Variants in CFAP221 observed in about 807,000 individuals in gnomAD.
CFAP221 encodes the protein cilia and flagella associated protein 221.
CFAP221 carries 97 observed loss-of-function variants against 113.1 expected under a neutral mutation model. That is an observed-to-expected ratio of 0.86 (90% CI 0.73 to 1.02). CFAP221 has a LOEUF of 1.02. Among genes scored for constraint, CFAP221 ranks in the 50% least tolerant of loss-of-function variants. The probability of loss-of-function intolerance (pLI) is 0.00; values close to 1 mark genes in which losing one functional copy is unlikely to be tolerated. For synonymous variants in CFAP221, 331 were observed against 354.4 expected, an observed-to-expected ratio of 0.93 and a Z score of 0.74; for missense variants, 1,025 against 1,013.4, an observed-to-expected ratio of 1.01 and a Z score of -0.16.
chr2:119,608,709 GACAAGTAAATT>G, intron 12 of CFAP221, 120 bp downstream of exon 12: 1 of 794,856 alleles, frequency 1.3e-6, no homozygotes, highest in South Asian at 1.6e-5. Flanking sequence ...AAAGGCTGAC[GACAAGTAAATT>G]GTCAACCATA....
chr2:119,563,689 A>T (rs1317125868), intron 6 of CFAP221, among the ~76,000 whole-genome samples: 1 of 152,202 alleles, frequency 6.6e-6, no homozygotes, highest in African/African-American at 2.4e-5. Context: ...TGATGGGTTG[A>T]TATTTTGAAT....
chr2:119,603,075 G>A (rs962257819), intron 8 of CFAP221, among the ~76,000 whole-genome samples: 1 of 152,146 alleles, frequency 6.6e-6, no homozygotes, highest in African/African-American at 2.4e-5. Context: ...AAAACTAGCT[G>A]TAGTTTCTGA....
chr2:119,585,191 T>C (rs1683124842), intron 6 of CFAP221, among the ~76,000 whole-genome samples: 1 of 152,244 alleles, frequency 6.6e-6, no homozygotes. Context: ...CAGAGCAATA[T>C]TGTTAAAAAA....
chr2:119,576,110 G>A (rs1682422713), intron 6 of CFAP221, among the ~76,000 whole-genome samples: 1 of 152,140 alleles, frequency 6.6e-6, no homozygotes. Flanking sequence ...AAACCATCAA[G>A]CCCCCTTGAC....
Position 119,601,298 on chromosome 2 carries a change from C to T in CFAP221, c.712C>T (p.Gln238Ter). The T allele has an allele frequency of 6.5e-7, 1 of 1,535,712 alleles. No individual in the cohort carries two copies. The highest frequency in any genetic ancestry group is 8.7e-7 in the Non-Finnish European group (1 of 1,146,628). ...GTATGGGACTGCACAAATAAAAATG[C>T]AGTTATGGATTTCGCAGTTCAACTC... ...FQYGTAQIKMQLWISQFNSQP... is the reference protein window; with the variant it reads ...FQYGTAQIKM Residue 238 changes from glutamine (Q) to a stop codon, truncating the protein, a stop_gained, in exon 8 of 24, where the codon CAG (glutamine) becomes TAG (stop). Transcript: ENST00000413369. LOFTEE classifies it high-confidence loss of function.
intron 11 of CFAP221, 39 bp downstream of exon 11, chr2:119,605,328 A>G (rs1234210396): frequency 2.1e-6 from 3 of 1,432,216 alleles, no homozygotes; most frequent in East Asian, 4.6e-5. Flanking sequence ...GTGTCAGTAC[A>G]GTTATTTTTA....
intron 14 of CFAP221, among the ~76,000 whole-genome samples, chr2:119,618,047 C>T (rs1047448114): frequency 9.9e-5 from 15 of 152,178 alleles, no homozygotes; most frequent in African/African-American, 3.4e-4. Context: ...GGGCAGGCAT[C>T]CCACCTCCAG....
In CFAP221 at chr2:119,560,480, G is replaced by A. The variant is rs190943141; in HGVS notation, c.426+454G>A. ...TGGTGCAGGGGATGGGGGTGGTTCC[G>A]GGAGGTGGGGACTGTTTGAGTTCTT... On this transcript the variant is annotated intron_variant, in intron 5 of 23. Transcript: ENST00000413369. Among the ~76,000 whole-genome samples, 26 of 152,286 alleles carry A rather than the reference G, an allele frequency of 1.7e-4. No homozygotes were observed. In the East Asian group the frequency reaches 2.9e-3, roughly 17 times the overall value.
At chr2:119,607,213 G>A (rs945644479) in intron 11 of CFAP221, among the ~76,000 whole-genome samples, 1 of 152,094 alleles carries the variant, frequency 6.6e-6, no homozygotes, top group African/African-American at 2.4e-5. Context: ...GGCTGGTCTC[G>A]AACTCCTGAC....
chr2:119,566,901 A>G (rs979860167), intron 6 of CFAP221, among the ~76,000 whole-genome samples: 2 of 152,130 alleles, frequency 1.3e-5, no homozygotes, highest in African/African-American at 2.4e-5. Flanking sequence ...TATGTAGCAT[A>G]AAATTTACCA....
At chr2:119,561,953 A>C (rs768340219) in intron 5 of CFAP221, 61 bp from the exon 6 acceptor site, 2 of 1,082,422 alleles carry the variant, frequency 1.8e-6, no homozygotes, top group Non-Finnish European at 2.7e-6. Flanking sequence ...AGCATCTACA[A>C]GTTTGTCTAA....
At chr2:119,628,441 A>G (rs1172012059) in intron 16 of CFAP221, among the ~76,000 whole-genome samples, 1 of 152,066 alleles carries the variant, frequency 6.6e-6, no homozygotes, top group African/African-American at 2.4e-5. Context: ...GGTTGTATTT[A>G]CTATACATCA....
intron 11 of CFAP221, among the ~76,000 whole-genome samples, chr2:119,608,250 C>G (rs1166112161): frequency 3.9e-5 from 6 of 152,132 alleles, no homozygotes; most frequent in African/African-American, 9.7e-5. Flanking sequence ...TTGTATTTCC[C>G]TAATGATTTA....
intron 7 of CFAP221, among the ~76,000 whole-genome samples, chr2:119,598,810 T>G (rs1237424114): frequency 6.6e-6 from 1 of 152,186 alleles, no homozygotes; most frequent in Non-Finnish European, 1.5e-5. Flanking sequence ...ACAGTGTGCT[T>G]TATGTATTAG....
At chr2:119,655,110 T>C (rs1228125903) in intron 23 of CFAP221, among the ~76,000 whole-genome samples, 1 of 152,188 alleles carries the variant, frequency 6.6e-6, no homozygotes, top group African/African-American at 2.4e-5. Context: ...GACTGTTCTT[T>C]ATTTGGTTTC....
chr2:119,549,274 G>A, intron 3 of CFAP221, 89 bp downstream of exon 3: 2 of 1,042,122 alleles, frequency 1.9e-6, no homozygotes, highest in South Asian at 1.7e-5. Flanking sequence ...CTAAAGCACA[G>A]CATAATCAGC....
At chr2:119,626,322 A>AT (rs1686304205) in intron 15 of CFAP221, among the ~76,000 whole-genome samples, 1 of 152,188 alleles carries the variant, frequency 6.6e-6, no homozygotes, top group African/African-American at 2.4e-5. Context: ...TGGGAATGGG[A>AT]TGTGGGTACC....
chr2:119,559,604 T>C (rs903843501), intron 3 of CFAP221, 85 bp from the exon 4 acceptor site: 7 of 1,134,532 alleles, frequency 6.2e-6, no homozygotes, highest in Non-Finnish European at 7.6e-6. Context: ...CAAATTCTTT[T>C]AGGAACAGAT....
intron 19 of CFAP221, among the ~76,000 whole-genome samples, chr2:119,632,974 A>G (rs1686880360): frequency 6.6e-6 from 1 of 152,096 alleles, no homozygotes; most frequent in African/African-American, 2.4e-5. Context: ...AACATTACTG[A>G]GAGAACTCAA....
Sources: allele counts gnomAD v4.1 joint callset (sites outside exome capture counted in the v4.1 genomes callset), GRCh38; gene constraint gnomAD v4.1.1; transcripts MANE v1.5; gene names NCBI Gene and HGNC (gene_info 2026-07-23, HGNC 2026-07-21).